The following USP24 variants were observed in gnomAD, a reference collection of about 807,000 sequenced individuals.
USP24 encodes the protein ubiquitin carboxyl-terminal hydrolase 24.
USP24 carries 97 observed loss-of-function variants against 361.6 expected under a neutral mutation model. The observed-to-expected ratio is 0.27, with a 90% confidence interval of 0.23 to 0.32. The LOEUF (loss-of-function observed/expected upper bound fraction) is 0.32. Among genes scored for constraint, USP24 ranks in the 10% least tolerant of loss-of-function variants. USP24 has a pLI of 1.00. For missense variants in USP24, 2,353 were observed against 3,165.6 expected (o/e 0.74, Z 6.16); for synonymous variants, 1,098 against 1,124.6 (o/e 0.98, Z 0.47).
intron 28 of USP24, 50 bp downstream of exon 28, chr1:55,137,465 A>G (rs1270942551): frequency 6.3e-7 from 1 of 1,575,410 alleles, no homozygotes; most frequent in Non-Finnish European, 8.6e-7. Flanking sequence ...GAACAAAAAG[A>G]CAGTGACTGT....
In USP24 at chr1:55,171,609, C is replaced by A; in HGVS notation, c.772G>T (p.Val258Leu). The A allele has an allele frequency of 5.0e-6, 8 of 1,611,052 alleles. No homozygotes were observed. Among genetic ancestry groups the A allele is most frequent in the Non-Finnish European group, 6.8e-6 (8 of 1,178,464 alleles). ...GCAAACATATTTCCCTCTCCAAACA[C>A]TTCTGCCCAATTCCTTTGAGACACT... Reference protein sequence around the residue: ...MKVSQRNWAEVFGEGNMFAVS... With the variant: ...MKVSQRNWAELFGEGNMFAVS... Residue 258 changes from valine (V) to leucine (L), a missense_variant, in exon 5 of 68, where the codon GTG (valine) becomes TTG (leucine). Coordinates refer to ENST00000294383, the MANE Select transcript of USP24 (RefSeq NM_015306.3).
At chr1:55,117,205 T>C (rs1557585562) in intron 38 of USP24, among the ~76,000 whole-genome samples, 1 of 152,154 alleles carries the variant, frequency 6.6e-6, no homozygotes, top group South Asian at 2.1e-4. Flanking sequence ...AAGCCAGATA[T>C]GAAAAACTCA....
chr1:55,211,540 A>G (rs993902707), intron 1 of USP24, among the ~76,000 whole-genome samples: 4 of 152,196 alleles, frequency 2.6e-5, no homozygotes, highest in Non-Finnish European at 5.9e-5. Context: ...CCGGAAGTTA[A>G]CAGCTTTCAC....
intron 38 of USP24, among the ~76,000 whole-genome samples, chr1:55,111,661 T>C (rs545887650): frequency 6.6e-6 from 1 of 152,242 alleles, no homozygotes; most frequent in East Asian, 1.9e-4. Flanking sequence ...AAAGAATTAT[T>C]TTTTATTACC....
At chr1:55,086,107 G>C in intron 55 of USP24, 69 bp from the exon 56 acceptor site, 1 of 1,450,678 alleles carries the variant, frequency 6.9e-7, no homozygotes, top group African/African-American at 1.4e-5. Context: ...TCCCATGATA[G>C]GTCCCATCTA....
chr1:55,105,323 C>A (rs1039912634), intron 41 of USP24, among the ~76,000 whole-genome samples: 1 of 151,976 alleles, frequency 6.6e-6, no homozygotes, highest in African/African-American at 2.4e-5. Context: ...AAGGGTTTTA[C>A]TTTTTTTTCT....
chr1:55,116,633 T>C (rs1205385372), intron 38 of USP24, among the ~76,000 whole-genome samples: 1 of 144,614 alleles, frequency 6.9e-6, no homozygotes, highest in Non-Finnish European at 1.5e-5. Context: ...AAAAGGTAAA[T>C]AAATCTATTT....
chr1:55,178,700 T>G (rs1402036234), intron 1 of USP24, among the ~76,000 whole-genome samples: 1 of 122,306 alleles, frequency 8.2e-6, no homozygotes, highest in African/African-American at 4.0e-5. Context: ...AATAAATAAA[T>G]AAATAAATAA....
Position 55,154,145 on chromosome 1 carries a change from T to C in USP24, c.1786A>G (p.Ile596Val). The C allele has an allele frequency of 6.2e-7, 1 of 1,613,664 alleles. No individual in the cohort carries two copies. The highest frequency in any genetic ancestry group is 8.5e-7 in the Non-Finnish European group (1 of 1,179,720). ...CTCTTAATATCTTCTATGCACTTGA[T>C]GATGTAGCTCCTCTTGATTGCTTCT... ...VKEAIKRSYIIKCIEDIKRPG... is the reference protein window; with the variant it reads ...VKEAIKRSYIVKCIEDIKRPG... The change falls in exon 15 of 68, where the codon ATC (isoleucine) becomes GTC (valine). Residue 596 changes from isoleucine to valine, a missense_variant. Ile to Val is a conservative substitution (Grantham distance 29). This residue lies in a region of USP24 where 386 missense variants were observed against 560.5 expected (regional missense o/e 0.69). Transcript: ENST00000294383.
At chr1:55,165,847 G>C (rs1430737503) in intron 7 of USP24, 38 bp downstream of exon 7, 5 of 1,523,670 alleles carry the variant, frequency 3.3e-6, no homozygotes, top group Non-Finnish European at 3.6e-6. Context: ...CAAGTGAAAT[G>C]AATTTCCACA....
At chr1:55,183,934 A>C (rs1644050169) in intron 1 of USP24, among the ~76,000 whole-genome samples, 1 of 152,250 alleles carries the variant, frequency 6.6e-6, no homozygotes, top group Admixed American at 6.5e-5. Context: ...AAAATGATGA[A>C]AAAATATATA....
At chr1:55,159,962 T>C (rs1170934844) in intron 8 of USP24, among the ~76,000 whole-genome samples, 1 of 152,238 alleles carries the variant, frequency 6.6e-6, no homozygotes, top group Non-Finnish European at 1.5e-5. Context: ...AGACACACAG[T>C]CTAACTTTTA....
At chr1:55,162,065 A>G (rs978890418) in intron 8 of USP24, 134 bp downstream of exon 8, 2 of 739,056 alleles carry the variant, frequency 2.7e-6, no homozygotes, top group African/African-American at 1.9e-5. Flanking sequence ...TGGCATTTTT[A>G]TTAAAAGGAC....
Position 55,146,125 on chromosome 1 carries a change from A to ATAT in USP24, c.2251-17_2251-16insATA. On this transcript the variant is annotated splice_polypyrimidine_tract_variant and intron_variant, in intron 19 of 67. Coordinates refer to ENST00000294383, the MANE Select transcript of USP24 (RefSeq NM_015306.3). ...CAAAACACATCTGTGGAATAAGACG[A>ATAT]ATATCACCCTATAACTAAGATCCAT... The ATAT allele has an allele frequency of 6.4e-7, 1 of 1,574,292 alleles. No homozygotes were observed. The highest frequency in any genetic ancestry group is 2.2e-5 in the East Asian group (1 of 44,542).
At chr1:55,165,246 T>C (rs184162660) in intron 7 of USP24, among the ~76,000 whole-genome samples, 1 of 152,252 alleles carries the variant, frequency 6.6e-6, no homozygotes, top group East Asian at 1.9e-4. Flanking sequence ...CAGTGTCTTA[T>C]TCATGCCAAG....
intron 64 of USP24, 99 bp downstream of exon 64, chr1:55,073,729 T>C: frequency 1.7e-6 from 2 of 1,150,296 alleles, no homozygotes; most frequent in South Asian, 2.7e-5. Flanking sequence ...CTGAGTCAGA[T>C]TCTCCAGGTA....
Position 55,214,550 on chromosome 1 carries a change from G to A in USP24, c.324+240C>T, listed in dbSNP as rs563383452. ...CCTCACCCCAACCCACAGCTCCGCT[G>A]CGCATCCCTAATTCCCTTTCACACG... On this transcript the variant is annotated intron_variant, in intron 1 of 67. Transcript: ENST00000294383. 2.0e-5 allele frequency among the ~76,000 whole-genome samples: 3 copies of A among 152,060 alleles called. No homozygotes were observed. The South Asian group carries it at 6.2e-4, about 32-fold the overall frequency.
chr1:55,170,367 T>C (rs1486556944), intron 5 of USP24, among the ~76,000 whole-genome samples: 3 of 152,144 alleles, frequency 2.0e-5, no homozygotes, highest in Non-Finnish European at 2.9e-5. Flanking sequence ...AATGAACATC[T>C]GCTGAGCGCT....
chr1:55,130,458 A>G (rs1254470930), intron 31 of USP24, among the ~76,000 whole-genome samples: 1 of 152,044 alleles, frequency 6.6e-6, no homozygotes, highest in Admixed American at 6.5e-5. Context: ...AAAAATAAAG[A>G]CTCTCATTGC....
Sources: gnomAD v4.1 joint callset for allele counts (sites outside exome capture counted in the v4.1 genomes callset) on GRCh38, gnomAD v4.1.1 for gene constraint, gnomAD v4.1.1 regional missense constraint, MANE v1.5 for transcripts, NCBI Gene and HGNC (gene_info 2026-07-23, HGNC 2026-07-21) for gene names.